Variants in ANKRD44 observed in about 807,000 individuals in gnomAD.
The protein encoded by ANKRD44 is ankyrin repeat domain 44, also known as serine/threonine-protein phosphatase 6 regulatory ankyrin repeat subunit B.
ANKRD44 carries 35 observed loss-of-function variants against 116.0 expected under a neutral mutation model. The ratio of observed to expected loss-of-function variants is 0.30; its 90% CI spans 0.23 to 0.40. ANKRD44 has a LOEUF of 0.40. Ranked by LOEUF, ANKRD44 falls within the 10% of genes least tolerant of loss-of-function variation. ANKRD44 has a pLI of 1.00. For synonymous variants in ANKRD44, 435 were observed against 461.8 expected (o/e 0.94, Z 0.74); for missense variants, 1,014 against 1,242.6 (o/e 0.82, Z 2.77).
At chr2:197,174,985 T>G (rs1441536845) in intron 2 of ANKRD44, among the ~76,000 whole-genome samples, 2 of 152,220 alleles carry the variant, frequency 1.3e-5, no homozygotes, top group Non-Finnish European at 2.9e-5. Flanking sequence ...TCTATAAAAT[T>G]TTATGATGGT....
intron 16 of ANKRD44, among the ~76,000 whole-genome samples, chr2:197,043,607 G>A (rs2076950193): frequency 1.3e-5 from 2 of 152,022 alleles, no homozygotes. Flanking sequence ...TAAAAATGTG[G>A]GGCATCAAAT....
chr2:197,068,560 T>G (rs1218443163), intron 16 of ANKRD44, among the ~76,000 whole-genome samples: 1 of 151,942 alleles, frequency 6.6e-6, no homozygotes, highest in African/African-American at 2.4e-5. Context: ...TTGCAATCTA[T>G]TCATCTAAGG....
intron 1 of ANKRD44, among the ~76,000 whole-genome samples, chr2:197,307,613 GA>G (rs200691851): frequency 6.9e-6 from 1 of 144,330 alleles, no homozygotes; most frequent in African/African-American, 2.6e-5. Context: ...TTACTCTCCT[GA>G]AAAAAAAAGA....
At chr2:197,082,908 G>T (rs2077830458) in intron 14 of ANKRD44, among the ~76,000 whole-genome samples, 1 of 152,136 alleles carries the variant, frequency 6.6e-6, no homozygotes, top group African/African-American at 2.4e-5. Context: ...TCCTGAAAGG[G>T]CATTCATACC....
intron 16 of ANKRD44, among the ~76,000 whole-genome samples, chr2:197,058,903 A>T (rs939340387): frequency 1.3e-5 from 2 of 152,224 alleles, no homozygotes; most frequent in Non-Finnish European, 2.9e-5. Flanking sequence ...GATCAATTCC[A>T]CTTGCTAAGC....
chr2:197,127,155 G>A (rs573537480), intron 4 of ANKRD44, among the ~76,000 whole-genome samples: 6 of 152,184 alleles, frequency 3.9e-5, no homozygotes, highest in African/African-American at 1.4e-4. Flanking sequence ...TGACCTGTCA[G>A]CCTGGCTGAC....
chr2:197,107,882 A>G (rs1311893377), intron 9 of ANKRD44, among the ~76,000 whole-genome samples: 1 of 152,252 alleles, frequency 6.6e-6, no homozygotes. Context: ...AGGTAAAAAA[A>G]GAACTTCCTT....
At chr2:196,979,153 T>C (rs887044787) in intron 21 of ANKRD44, among the ~76,000 whole-genome samples, 2 of 151,736 alleles carry the variant, frequency 1.3e-5, no homozygotes, top group Non-Finnish European at 2.9e-5. Flanking sequence ...TCCCAGCACT[T>C]TGGGAGGCCG....
intron 1 of ANKRD44, among the ~76,000 whole-genome samples, chr2:197,308,921 A>G (rs1391512493): frequency 1.3e-5 from 2 of 152,224 alleles, no homozygotes; most frequent in Non-Finnish European, 2.9e-5. Context: ...AGCTAGTCCC[A>G]GTCCTGCAGG....
chr2:197,116,140 T>A (rs530094321), intron 8 of ANKRD44, among the ~76,000 whole-genome samples: 2 of 152,288 alleles, frequency 1.3e-5, no homozygotes, highest in South Asian at 4.1e-4. Flanking sequence ...AAGTCCCTTA[T>A]CCAATCTGAA....
At chr2:197,280,371 G>A (rs543814499) in intron 1 of ANKRD44, among the ~76,000 whole-genome samples, 5 of 152,304 alleles carry the variant, frequency 3.3e-5, no homozygotes, top group South Asian at 2.1e-4. Flanking sequence ...GAAACTGCTC[G>A]TAACAAAAGC....
At chr2:197,247,929 T>C (rs1288428568) in intron 1 of ANKRD44, among the ~76,000 whole-genome samples, 1 of 152,066 alleles carries the variant, frequency 6.6e-6, no homozygotes, top group Non-Finnish European at 1.5e-5. Flanking sequence ...GGGCTCCCCG[T>C]TGGACTTAAA....
intron 25 of ANKRD44, among the ~76,000 whole-genome samples, chr2:196,996,462 C>T (rs904949729): frequency 2.6e-5 from 4 of 152,174 alleles, no homozygotes; most frequent in African/African-American, 9.7e-5. Flanking sequence ...AAATCACCGC[C>T]ATGGGTGCCA....
At chr2:197,015,819 T>A (rs1340971904) in intron 17 of ANKRD44, 2 of 512,434 alleles carry the variant, frequency 3.9e-6, no homozygotes, top group Non-Finnish European at 7.3e-6. Context: ...GTGGTTACAA[T>A]GAAGGAGGAA....
At chr2:197,274,930 T>C (rs181960504) in intron 1 of ANKRD44, among the ~76,000 whole-genome samples, 1 of 151,494 alleles carries the variant, frequency 6.6e-6, no homozygotes, top group Non-Finnish European at 1.5e-5. Context: ...CCCATCTCTA[T>C]GAAAAAAAAA....
intron 1 of ANKRD44, among the ~76,000 whole-genome samples, chr2:197,305,504 G>A (rs1263512582): frequency 6.6e-6 from 1 of 152,092 alleles, no homozygotes; most frequent in African/African-American, 2.4e-5. Context: ...TCTTTTTAAA[G>A]AATCTTTCAT....
chr2:197,017,407 T>C (rs776622893), intron 17 of ANKRD44, among the ~76,000 whole-genome samples: 8 of 152,334 alleles, frequency 5.3e-5, no homozygotes, highest in African/African-American at 1.2e-4. Context: ...TGAATGTTTC[T>C]TCCTGAGTGT....
chr2:196,999,045 G>T lies in ANKRD44; in HGVS notation c.2527C>A (p.Leu843Ile). 1 of 1,613,578 alleles carries T rather than the reference G, an allele frequency of 6.2e-7. No individual in the cohort carries two copies. The highest frequency in any genetic ancestry group is 1.1e-5 in the South Asian group (1 of 90,974). Reference sequence around the variant, plus strand: ...TGATCAGCAAATGCTGCCGCATGAAGGGGTGTCCTAAAGATTTAAAACAAG... The same window carrying T: ...TGATCAGCAAATGCTGCCGCATGAATGGGTGTCCTAAAGATTTAAAACAAG... Reference protein sequence around the residue: ...SCRDDKGRTPLHAAAFADHVE... With the variant: ...SCRDDKGRTPIHAAAFADHVE... Residue 843 changes from leucine to isoleucine, a missense_variant, in exon 24 of 28, where the codon CTT becomes ATT. Leu to Ile is a conservative substitution (Grantham distance 5, BLOSUM62 2). Transcript: ENST00000282272.
chr2:197,165,722 AT>A (rs2080087693), intron 2 of ANKRD44, among the ~76,000 whole-genome samples: 4 of 152,234 alleles, frequency 2.6e-5, no homozygotes, highest in African/African-American at 4.8e-5. Context: ...GCTGGCATAT[AT>A]AGCATCAGGA....
Sources: gnomAD v4.1 joint callset for allele counts (sites outside exome capture counted in the v4.1 genomes callset) on GRCh38, gnomAD v4.1.1 for gene constraint, MANE v1.5 for transcripts, NCBI Gene and HGNC (gene_info 2026-07-23, HGNC 2026-07-21) for gene names.